Variants in NTRK2 observed in about 807,000 individuals in gnomAD.
NTRK2 encodes neurotrophic receptor tyrosine kinase 2.
NTRK2 carries 13 observed loss-of-function variants against 94.5 expected under a neutral mutation model. The observed-to-expected ratio is 0.14, with a 90% CI of 0.09 to 0.22. The LOEUF is 0.22. Ranked by LOEUF, NTRK2 falls within the 10% of genes least tolerant of loss-of-function variation. The pLI is 1.00. For missense variants in NTRK2, 639 were observed against 1,071.2 expected, an observed-to-expected ratio of 0.60 and a Z score of 5.63; for synonymous variants, 372 against 407.4, an observed-to-expected ratio of 0.91 and a Z score of 1.05.
At chr9:84,678,003 C>T (rs1299752734) in intron 2 of NTRK2, among the ~76,000 whole-genome samples, 1 of 152,192 alleles carries the variant, frequency 6.6e-6, no homozygotes, top group African/African-American at 2.4e-5. Context: ...GCATCCCATC[C>T]TTTCCTGTAA....
At chr9:84,803,771 A>G (rs1435097167) in intron 12 of NTRK2, among the ~76,000 whole-genome samples, 4 of 152,176 alleles carry the variant, frequency 2.6e-5, no homozygotes, top group Admixed American at 1.3e-4. Context: ...TAGTCAGTTC[A>G]TGGGGATTAT....
intron 9 of NTRK2, among the ~76,000 whole-genome samples, chr9:84,733,875 C>T (rs2063066648): frequency 6.6e-6 from 1 of 152,202 alleles, no homozygotes; most frequent in African/African-American, 2.4e-5. Flanking sequence ...GATTTTACTT[C>T]TAATGAGATA....
At chr9:84,826,963 C>A (rs552042218) in intron 12 of NTRK2, among the ~76,000 whole-genome samples, 1 of 152,192 alleles carries the variant, frequency 6.6e-6, no homozygotes, top group South Asian at 2.1e-4. Flanking sequence ...TTGTTCCAAG[C>A]GAAAGAAGGG....
intron 12 of NTRK2, among the ~76,000 whole-genome samples, chr9:84,809,899 A>AG (rs1361362930): frequency 0.02 from 2,963 of 148,720 alleles, 102 homozygotes; most frequent in African/African-American, 0.071. Flanking sequence ...AAAAAAAAAA[A>AG]AAAGAAAGAA....
At chr9:84,702,639 G>T (rs2060803400) in intron 4 of NTRK2, among the ~76,000 whole-genome samples, 1 of 152,090 alleles carries the variant, frequency 6.6e-6, no homozygotes, top group African/African-American at 2.4e-5. Flanking sequence ...TGAATTTCTG[G>T]GCCAGTTCCA....
chr9:84,751,994 T>C lies in NTRK2; in HGVS notation c.1305T>C (p.Ala435=). 1.9e-6 allele frequency: 3 copies of C among 1,613,958 alleles called. No homozygotes were observed. Among genetic ancestry groups the C allele is most frequent in the Non-Finnish European group, 2.5e-6 (3 of 1,179,846 alleles). ...TCCCTTCCTTTCTCTAGGTCTATGC[T>C]GTGGTGGTGATTGCGTCTGTGGTGG... ...KTGREHLSVY[A]VVVIASVVGF... Residue 435 remains alanine (A), a synonymous_variant, in exon 12 of 19, where the codon GCT becomes GCC. Transcript: ENST00000277120.
intron 12 of NTRK2, among the ~76,000 whole-genome samples, chr9:84,858,518 G>C (rs539997034): frequency 3.3e-5 from 5 of 151,788 alleles, no homozygotes; most frequent in Non-Finnish European, 7.4e-5. Flanking sequence ...AGTGCAGTCA[G>C]TGTTCCTTCC....
At chr9:84,916,326 A>T (rs1292653396) in intron 14 of NTRK2, among the ~76,000 whole-genome samples, 1 of 152,164 alleles carries the variant, frequency 6.6e-6, no homozygotes, top group Non-Finnish European at 1.5e-5. Context: ...GAAGAGAGCT[A>T]AAATATAGTT....
rs201105177 is a variant in NTRK2 at position 84,955,324 on chromosome 9, C to T, written c.1979C>T (p.Pro660Leu). 3.7e-4 allele frequency: 597 copies of T among 1,610,432 alleles called. 8 individuals carry two copies. In the South Asian group the frequency reaches 6.3e-3, roughly 17 times the overall value. The change falls in exon 17 of 19, where the codon CCG becomes CTG. Residue 660 changes from proline to leucine, a missense_variant. Coordinates refer to ENST00000277120, the MANE Select transcript of NTRK2 (RefSeq NM_006180.6). ...PDAVLMAEGN[P>L]PTELTQSQML... ...GCCGTGCTGATGGCTGAGGGCAACC[C>T]GCCCACGGAACTGACGCAGTCGCAG...
intron 17 of NTRK2, among the ~76,000 whole-genome samples, chr9:85,019,946 C>T (rs1448474915): frequency 6.6e-6 from 1 of 152,178 alleles, no homozygotes; most frequent in Non-Finnish European, 1.5e-5. Flanking sequence ...AGGTGATCAT[C>T]TACCTAATCA....
intron 17 of NTRK2, among the ~76,000 whole-genome samples, chr9:84,980,625 G>A (rs1827472726): frequency 6.6e-6 from 1 of 152,134 alleles, no homozygotes; most frequent in South Asian, 2.1e-4. Flanking sequence ...TTGGTTATTG[G>A]TGCATGACTT....
chr9:84,878,321 G>T (rs2076146686), intron 14 of NTRK2, among the ~76,000 whole-genome samples: 1 of 152,198 alleles, frequency 6.6e-6, no homozygotes, highest in African/African-American at 2.4e-5. Context: ...TTCAGGGTCA[G>T]ATCCTGTCTT....
intron 12 of NTRK2, among the ~76,000 whole-genome samples, chr9:84,782,938 G>A (rs1564263387): frequency 1.3e-5 from 2 of 152,058 alleles, no homozygotes; most frequent in Non-Finnish European, 2.9e-5. Context: ...TGGGAAATGG[G>A]GCTTGACTTC....
At chr9:84,935,213 T>C (rs2078176095) in intron 15 of NTRK2, among the ~76,000 whole-genome samples, 1 of 152,088 alleles carries the variant, frequency 6.6e-6, no homozygotes, top group Admixed American at 6.6e-5. Context: ...TTTTTTGCTG[T>C]TTTATTTCTG....
At chr9:84,933,032 C>T (rs781314470) in intron 14 of NTRK2, among the ~76,000 whole-genome samples, 33 of 152,132 alleles carry the variant, frequency 2.2e-4, no homozygotes, top group Non-Finnish European at 4.3e-4. Context: ...GAAATTCCTG[C>T]AGACTGTTTT....
At chr9:84,815,423 G>A in intron 12 of NTRK2, 1 of 1,042,948 alleles carries the variant, frequency 9.6e-7, no homozygotes, top group Non-Finnish European at 1.2e-6. Flanking sequence ...AGTAACAAGA[G>A]ATTCCTAAGA....
At chr9:84,986,343 T>C (rs1432856113) in intron 17 of NTRK2, among the ~76,000 whole-genome samples, 1 of 152,214 alleles carries the variant, frequency 6.6e-6, no homozygotes, top group Non-Finnish European at 1.5e-5. Flanking sequence ...GGGATGAAAC[T>C]GTTCCACTTC....
Position 84,912,379 on chromosome 9 carries a change from A to G in NTRK2, c.1634-21783A>G, listed in dbSNP as rs573717564. ...TCCAACTATAATTGTGGATTTGTCT[A>G]TTTCTCCTTTCAGTTATATCAGTTT... On this transcript the variant is annotated intron_variant, in intron 14 of 18. Coordinates refer to ENST00000277120, the MANE Select transcript of NTRK2 (RefSeq NM_006180.6). Among the ~76,000 whole-genome samples, 5 of 151,946 alleles carry G rather than the reference A, an allele frequency of 3.3e-5. No individual in the cohort carries two copies. The South Asian group carries it at 8.3e-4, about 25-fold the overall frequency.
At chr9:84,980,587 C>T (rs1827468752) in intron 17 of NTRK2, among the ~76,000 whole-genome samples, 1 of 152,212 alleles carries the variant, frequency 6.6e-6, no homozygotes, top group Non-Finnish European at 1.5e-5. Context: ...AAATAAAACA[C>T]TGTCCCTAGG....
Sources: allele counts gnomAD v4.1 joint callset (sites outside exome capture counted in the v4.1 genomes callset), GRCh38; gene constraint gnomAD v4.1.1; transcripts MANE v1.5; gene names NCBI Gene and HGNC (gene_info 2026-07-23, HGNC 2026-07-21).